The following CABLES1 variants were observed in gnomAD, a reference collection of about 807,000 sequenced individuals.
The protein encoded by CABLES1 is CDK5 and ABL1 enzyme substrate 1.
CABLES1 carries 36 observed loss-of-function variants against 57.8 expected under a neutral mutation model. That is an observed-to-expected ratio of 0.62 (90% CI 0.48 to 0.82). The LOEUF is 0.82. CABLES1 is among the 40% of genes least tolerant of loss of function. The probability of loss-of-function intolerance (pLI) is 0.00; values close to 1 mark genes in which losing one functional copy is unlikely to be tolerated. For synonymous variants in CABLES1, 374 were observed against 363.0 expected, an observed-to-expected ratio of 1.03 and a Z score of -0.35; for missense variants, 767 against 836.6, an observed-to-expected ratio of 0.92 and a Z score of 1.03.
chr18:23,148,123 G>A (rs1294564565), intron 1 of CABLES1, among the ~76,000 whole-genome samples: 1 of 151,944 alleles, frequency 6.6e-6, no homozygotes, highest in Non-Finnish European at 1.5e-5. Flanking sequence ...CCGAGTAGCT[G>A]GGACTACAGG....
Position 23,246,676 on chromosome 18 carries a change from C to A in CABLES1, c.1447-6284C>A, listed in dbSNP as rs1024155836. ...AAAGTGCTGGGATTATATGCTTGAG[C>A]CACCGCACCCGGCCAGTTTTTTCGT... On this transcript the variant is annotated intron_variant, in intron 7 of 9. Coordinates refer to ENST00000256925, the MANE Select transcript of CABLES1 (RefSeq NM_001100619.3). Among the ~76,000 whole-genome samples the A allele has an allele frequency of 4.6e-4, 70 of 151,616 alleles. 1 individual carries two copies. Among genetic ancestry groups the A allele is most frequent in the African/African-American group, 1.4e-3 (57 of 41,036 alleles).
intron 4 of CABLES1, 55 bp downstream of exon 4, chr18:23,214,109 A>C (rs569197627): frequency 8.3e-7 from 1 of 1,207,600 alleles, no homozygotes; most frequent in South Asian, 1.3e-5. Context: ...TCTCACACCA[A>C]TGTACATAAT....
chr18:23,176,930 A>G (rs2047127358), intron 1 of CABLES1, among the ~76,000 whole-genome samples: 1 of 151,990 alleles, frequency 6.6e-6, no homozygotes, highest in Non-Finnish European at 1.5e-5. Flanking sequence ...GGGTCCGGTA[A>G]ACACCAGCTT....
chr18:23,141,015 G>T (rs977893933), intron 1 of CABLES1, among the ~76,000 whole-genome samples: 82 of 152,228 alleles, frequency 5.4e-4, no homozygotes, highest in African/African-American at 1.9e-3. Context: ...TTCAGATTTG[G>T]GCTTCTCAAA....
chr18:23,243,867 C>T (rs1408649656), intron 7 of CABLES1, among the ~76,000 whole-genome samples: 2 of 116,606 alleles, frequency 1.7e-5, no homozygotes, highest in Non-Finnish European at 3.2e-5. Context: ...ACCAAGACTC[C>T]GTTTCAAAAA....
intron 4 of CABLES1, among the ~76,000 whole-genome samples, chr18:23,229,864 C>T (rs1412292821): frequency 2.0e-5 from 3 of 152,208 alleles, no homozygotes; most frequent in African/African-American, 7.2e-5. Flanking sequence ...GTTGCCTGAG[C>T]TGTTAAGCTA....
At position 23,253,682 on chromosome 18, in the gene CABLES1, ACT is replaced by A. The variant is rs778733107; in HGVS notation, c.1554-44_1554-43del. 2.6e-6 allele frequency: 4 copies of A among 1,529,290 alleles called. No homozygotes were observed. In the African/African-American group the frequency reaches 5.5e-5, roughly 21 times the overall value. The allele number at this position is 1,529,290 out of a possible 1,614,324, so 94.7% of individuals were successfully genotyped here. On this transcript the variant is annotated intron_variant, in intron 8 of 9. Transcript: ENST00000256925. ...TGGGGGAGTTTTTCTGTCCACTGAAACTCTAAGTTTTCACAAGACTGTTCCCT... is the reference window on the plus strand; with the variant it reads ...TGGGGGAGTTTTTCTGTCCACTGAAACTAAGTTTTCACAAGACTGTTCCCT...
chr18:23,214,244 T>C, intron 4 of CABLES1, 190 bp downstream of exon 4: 2 of 550,550 alleles, frequency 3.6e-6, no homozygotes, highest in East Asian at 6.1e-5. Context: ...TCGTTGTGTG[T>C]GTGCGTGTGT....
At chr18:23,153,740 C>CA (rs1341460272) in intron 1 of CABLES1, among the ~76,000 whole-genome samples, 1 of 150,156 alleles carries the variant, frequency 6.7e-6, no homozygotes, top group Non-Finnish European at 1.5e-5. Context: ...TCTCAAAAAA[C>CA]AAAAAATAGG....
At chr18:23,171,662 T>C (rs2034275382) in intron 1 of CABLES1, among the ~76,000 whole-genome samples, 2 of 152,212 alleles carry the variant, frequency 1.3e-5, no homozygotes, top group African/African-American at 2.4e-5. Context: ...CTGTTGTCTC[T>C]CTTTTTCCAA....
intron 1 of CABLES1, among the ~76,000 whole-genome samples, chr18:23,183,000 C>T (rs2145007381): frequency 6.6e-6 from 1 of 152,354 alleles, no homozygotes; most frequent in Non-Finnish European, 1.5e-5. Flanking sequence ...TTTTGCCTCT[C>T]ACTTTCCGGG....
intron 4 of CABLES1, among the ~76,000 whole-genome samples, chr18:23,233,164 G>C (rs1002618515): frequency 6.6e-6 from 1 of 152,120 alleles, no homozygotes; most frequent in Non-Finnish European, 1.5e-5. Context: ...GAATCGCCTG[G>C]GGAGTGTTTA....
At chr18:23,234,820 A>G (rs2047591802) in intron 5 of CABLES1, 116 bp downstream of exon 5, 5 of 804,684 alleles carry the variant, frequency 6.2e-6, no homozygotes, top group Non-Finnish European at 1.0e-5. Context: ...GGTCTGGGGC[A>G]GATTCCCAGG....
At chr18:23,134,759 G>C (rs898858157), upstream of CABLES1, 6 of 152,330 alleles carry the variant, frequency 3.9e-5, no homozygotes, top group Admixed American at 1.3e-4. Context: ...CCTTTGCTAA[G>C]AGAGAGATGA....
At chr18:23,191,909 A>T (rs2047246324) in intron 2 of CABLES1, among the ~76,000 whole-genome samples, 2 of 9,966 alleles carry the variant, frequency 2.0e-4, no homozygotes, top group Admixed American at 1.5e-3. Context: ...GAATGCTTAA[A>T]AAAAAAAAAA....
At chr18:23,208,065 T>TA (rs1210036347) in intron 3 of CABLES1, among the ~76,000 whole-genome samples, 2 of 152,172 alleles carry the variant, frequency 1.3e-5, no homozygotes, top group Non-Finnish European at 2.9e-5. Flanking sequence ...TCCCACCTGT[T>TA]ACAATCCCAT....
At chr18:23,217,463 A>G (rs2047450625) in intron 4 of CABLES1, among the ~76,000 whole-genome samples, 1 of 152,206 alleles carries the variant, frequency 6.6e-6, no homozygotes, top group Non-Finnish European at 1.5e-5. Context: ...TCGTTTCTGC[A>G]GCACAGTCTA....
At chr18:23,231,540 A>G (rs2047567026) in intron 4 of CABLES1, among the ~76,000 whole-genome samples, 1 of 152,212 alleles carries the variant, frequency 6.6e-6, no homozygotes. Flanking sequence ...TGACGTAAGT[A>G]GAAAGCCAGG....
In CABLES1 at chr18:23,252,941, G is replaced by T; in HGVS notation, c.1447-19G>T. On this transcript the variant is annotated intron_variant, in intron 7 of 9. Transcript: ENST00000256925. Reference sequence around the variant, plus strand: ...ACCCTTGTTTTAAGGAGTGATCCGTGTTCCCCTGTCTGTTACAGACAACAG... The same window carrying T: ...ACCCTTGTTTTAAGGAGTGATCCGTTTTCCCCTGTCTGTTACAGACAACAG... The T allele has an allele frequency of 1.3e-6, 2 of 1,530,140 alleles. No homozygotes were observed. The highest frequency in any genetic ancestry group is 2.2e-5 in the South Asian group (2 of 89,272). 94.8% of individuals were successfully genotyped at this position (1,530,140 alleles called of 1,614,324 possible).
Sources: gnomAD v4.1 joint callset for allele counts (sites outside exome capture counted in the v4.1 genomes callset) on GRCh38, gnomAD v4.1.1 for gene constraint, MANE v1.5 for transcripts, NCBI Gene and HGNC (gene_info 2026-07-23, HGNC 2026-07-21) for gene names.